MKLN1: variants seen among roughly 807,000 people sequenced by gnomAD.
MKLN1 encodes muskelin 1.
A neutral mutation model predicts 99.0 loss-of-function variants in MKLN1; 18 were observed. That is an observed-to-expected ratio of 0.18 (90% CI 0.13 to 0.27). MKLN1 has a LOEUF of 0.27. Among genes scored for constraint, MKLN1 ranks in the 10% least tolerant of loss-of-function variants. The pLI, the probability that MKLN1 is intolerant of heterozygous loss-of-function variation, is 1.00. For synonymous variants in MKLN1, 288 were observed against 293.2 expected (o/e 0.98, Z 0.18); for missense variants, 621 against 875.9 (o/e 0.71, Z 3.67).
At chr7:131,182,784 G>A (rs547723014) in intron 2 of MKLN1, among the ~76,000 whole-genome samples, 2 of 152,192 alleles carry the variant, frequency 1.3e-5, no homozygotes, top group Admixed American at 1.3e-4. Flanking sequence ...CCACTCTCAT[G>A]TATGAACTAT....
intron 2 of MKLN1, among the ~76,000 whole-genome samples, chr7:131,380,633 GT>G (rs1793814638): frequency 6.6e-6 from 1 of 152,144 alleles, no homozygotes; most frequent in South Asian, 2.1e-4. Context: ...TCACTTTTTA[GT>G]TTATTCTAAT....
intron 1 of MKLN1, among the ~76,000 whole-genome samples, chr7:131,366,509 T>G (rs1800184678): frequency 6.6e-6 from 1 of 152,110 alleles, no homozygotes; most frequent in African/African-American, 2.4e-5. Flanking sequence ...ATTTAAGTAT[T>G]CTTAAGAGTA....
chr7:131,298,473 C>T (rs1468661953), intron 3 of MKLN1, among the ~76,000 whole-genome samples: 1 of 152,178 alleles, frequency 6.6e-6, no homozygotes, highest in Non-Finnish European at 1.5e-5. Context: ...GTGGCACATT[C>T]AGTTCCTGGT....
Position 131,282,752 on chromosome 7 carries a change from G to A in MKLN1, c.-179+79778G>A, listed in dbSNP as rs184665563. Among the ~76,000 whole-genome samples, 8 of 152,064 alleles carry A rather than the reference G, an allele frequency of 5.3e-5. No individual in the cohort carries two copies. The East Asian group carries it at 9.6e-4, about 18-fold the overall frequency. On this transcript the variant is annotated intron_variant, in intron 3 of 7. Transcript: ENST00000416992. ...TTGGTTATCATTTCTCAAACCTGGCGATCATCAGAATCTCTTGGCAAGCCT... is the reference window on the plus strand; with the variant it reads ...TTGGTTATCATTTCTCAAACCTGGCAATCATCAGAATCTCTTGGCAAGCCT...
intron 1 of MKLN1, among the ~76,000 whole-genome samples, chr7:131,138,932 G>T (rs569818465): frequency 6.6e-6 from 1 of 152,192 alleles, no homozygotes. Context: ...CACGAATCAA[G>T]TCATGCTGCT....
chr7:131,217,352 G>A (rs988079406), intron 3 of MKLN1, among the ~76,000 whole-genome samples: 1 of 152,178 alleles, frequency 6.6e-6, no homozygotes. Context: ...ACAGATCCCT[G>A]TGCAACTAAA....
At chr7:131,165,730 C>T (rs188931223) in intron 2 of MKLN1, among the ~76,000 whole-genome samples, 4 of 152,222 alleles carry the variant, frequency 2.6e-5, no homozygotes, top group Admixed American at 6.5e-5. Flanking sequence ...TAAGATAACA[C>T]GAGTGATCAG....
intron 3 of MKLN1, among the ~76,000 whole-genome samples, chr7:131,290,169 G>A (rs534743631): frequency 2.0e-5 from 3 of 152,264 alleles, no homozygotes; most frequent in African/African-American, 7.2e-5. Flanking sequence ...GCCAGATATG[G>A]TGGCAGGTGC....
intron 17 of MKLN1, among the ~76,000 whole-genome samples, chr7:131,482,950 C>T (rs1797167240): frequency 6.6e-6 from 1 of 152,216 alleles, no homozygotes; most frequent in Non-Finnish European, 1.5e-5. Context: ...CTAACTTGCC[C>T]AGGCATAGTG....
intron 3 of MKLN1, among the ~76,000 whole-genome samples, chr7:131,205,489 C>T (rs1223433514): frequency 6.6e-6 from 1 of 152,128 alleles, no homozygotes; most frequent in East Asian, 1.9e-4. Flanking sequence ...AATTATCACA[C>T]ATTCAGGGAG....
At chr7:131,212,208 G>A (rs1376813506) in intron 3 of MKLN1, among the ~76,000 whole-genome samples, 1 of 152,166 alleles carries the variant, frequency 6.6e-6, no homozygotes, top group Non-Finnish European at 1.5e-5. Flanking sequence ...CAACTTCTCA[G>A]CTCTATCCAG....
At chr7:131,338,615 A>T (rs1298490629) in intron 1 of MKLN1, among the ~76,000 whole-genome samples, 1 of 152,206 alleles carries the variant, frequency 6.6e-6, no homozygotes, top group Admixed American at 6.5e-5. Context: ...TCAAAAGCAG[A>T]AATCTTTCTG....
intron 2 of MKLN1, among the ~76,000 whole-genome samples, chr7:131,198,555 AAC>A (rs34008134): frequency 0.38 from 58,351 of 151,940 alleles, 11,754 homozygotes; most frequent in South Asian, 0.59. Context: ...GTCCTGTGAA[AAC>A]AGTCAGATAT....
intron 12 of MKLN1, among the ~76,000 whole-genome samples, chr7:131,447,038 A>G (rs1469228716): frequency 6.6e-6 from 1 of 152,206 alleles, no homozygotes; most frequent in Non-Finnish European, 1.5e-5. Flanking sequence ...GAAAAGCGAA[A>G]CTTTTTATAA....
intron 3 of MKLN1, among the ~76,000 whole-genome samples, chr7:131,242,318 T>G (rs1398790936): frequency 6.6e-6 from 1 of 152,186 alleles, no homozygotes; most frequent in Admixed American, 6.5e-5. Context: ...GGAGGATCAC[T>G]TGAGGCCAGG....
intron 3 of MKLN1, among the ~76,000 whole-genome samples, chr7:131,252,083 C>T (rs1161946711): frequency 6.6e-6 from 1 of 152,068 alleles, no homozygotes; most frequent in African/African-American, 2.4e-5. Flanking sequence ...ACCTGAAATC[C>T]CAAATGTCCT....
At chr7:131,348,586 C>T (rs1383297668) in intron 1 of MKLN1, among the ~76,000 whole-genome samples, 1 of 149,946 alleles carries the variant, frequency 6.7e-6, no homozygotes, top group Non-Finnish European at 1.5e-5. Flanking sequence ...ATTTGTAGAT[C>T]CTCTGGAGTA....
chr7:131,246,695 C>G (rs927521933), intron 3 of MKLN1, among the ~76,000 whole-genome samples: 2 of 151,652 alleles, frequency 1.3e-5, no homozygotes, highest in Non-Finnish European at 2.9e-5. Context: ...GCCATGTTGC[C>G]CAGGCTGGAC....
intron 1 of MKLN1, among the ~76,000 whole-genome samples, chr7:131,371,449 G>A (rs898604813): frequency 6.6e-5 from 10 of 151,874 alleles, no homozygotes; most frequent in African/African-American, 2.4e-4. Flanking sequence ...TTAATGTTGC[G>A]GATTTAAATA....
Sources: allele counts gnomAD v4.1 joint callset (sites outside exome capture counted in the v4.1 genomes callset), GRCh38; gene constraint gnomAD v4.1.1; transcripts MANE v1.5; gene names NCBI Gene and HGNC (gene_info 2026-07-23, HGNC 2026-07-21).